The following PDE11A variants were observed in gnomAD, a reference collection of about 807,000 sequenced individuals.
PDE11A encodes the protein dual 3',5'-cyclic-AMP and -GMP phosphodiesterase 11A.
Under a neutral mutation model 100.5 loss-of-function variants are expected in PDE11A, and 100 were observed. That is an observed-to-expected ratio of 1.00 (90% CI 0.85 to 1.18). The LOEUF (loss-of-function observed/expected upper bound fraction) is 1.18. Ranked by LOEUF, PDE11A falls within the 50% of genes most tolerant of loss-of-function variation. PDE11A has a pLI of 0.00. For synonymous variants in PDE11A, 381 were observed against 420.8 expected (o/e 0.91, Z 1.16); for missense variants, 1,141 against 1,152.6 (o/e 0.99, Z 0.15).
chr2:177,674,900 T>C (rs1317119530), intron 17 of PDE11A, among the ~76,000 whole-genome samples: 2 of 152,126 alleles, frequency 1.3e-5, no homozygotes, highest in East Asian at 1.9e-4. Flanking sequence ...TGGTCTTCAG[T>C]TGGGTAGTTA....
At chr2:177,902,488 A>ATT (rs2084712849) in intron 3 of PDE11A, among the ~76,000 whole-genome samples, 4 of 152,234 alleles carry the variant, frequency 2.6e-5, no homozygotes, top group Admixed American at 2.6e-4. Context: ...TATTTTACAC[A>ATT]GTTGAATAGG....
At chr2:178,048,766 G>A (rs944992724) in intron 1 of PDE11A, among the ~76,000 whole-genome samples, 2 of 152,140 alleles carry the variant, frequency 1.3e-5, no homozygotes, top group African/African-American at 4.8e-5. Context: ...ATAAATATAA[G>A]CCCATATTCC....
intron 2 of PDE11A, among the ~76,000 whole-genome samples, chr2:177,970,172 C>T (rs2085752384): frequency 6.6e-6 from 1 of 152,108 alleles, no homozygotes; most frequent in Non-Finnish European, 1.5e-5. Context: ...AGTTGAGACT[C>T]AATCCTGAAA....
intron 2 of PDE11A, among the ~76,000 whole-genome samples, chr2:177,939,126 C>T (rs919296519): frequency 6.6e-6 from 1 of 152,184 alleles, no homozygotes; most frequent in Non-Finnish European, 1.5e-5. Context: ...GCATAACATG[C>T]AACCAGGAAC....
intron 6 of PDE11A, among the ~76,000 whole-genome samples, chr2:177,825,590 G>A (rs754771077): frequency 6.6e-6 from 1 of 152,184 alleles, no homozygotes; most frequent in Non-Finnish European, 1.5e-5. Context: ...GCAGGGGCTG[G>A]AGGAAAAGGA....
rs577479163 is a variant in PDE11A at position 177,898,629 on chromosome 2, C to T, written c.1162-431G>A. ...AATTACTAATGAGCACCAGAGAATA[C>T]CCCTTCCCTCTTCACTGTTGATCTT... On this transcript the variant is annotated intron_variant, in intron 3 of 19. Transcript: ENST00000286063. 2.2e-4 allele frequency among the ~76,000 whole-genome samples: 33 copies of T among 152,284 alleles called. No individual in the cohort carries two copies. The South Asian group carries it at 4.8e-3, about 22-fold the overall frequency.
intron 6 of PDE11A, among the ~76,000 whole-genome samples, chr2:177,825,356 T>G (rs945140294): frequency 6.6e-6 from 1 of 152,114 alleles, no homozygotes; most frequent in Non-Finnish European, 1.5e-5. Context: ...GGCTAAGGAA[T>G]GGTGATGATC....
At position 177,944,238 on chromosome 2, in the gene PDE11A, A is replaced by G. The variant is rs116797768; in HGVS notation, c.1072-39051T>C. 4.4e-3 allele frequency among the ~76,000 whole-genome samples: 667 copies of G among 152,356 alleles called. 2 individuals are homozygous for G. The highest frequency in any genetic ancestry group is 0.015 in the African/African-American group (642 of 41,584). ...CATCTTTTCCTTCCATCCTCTAGAA[A>G]GAGACAAGAGGAAAGGTATTTTACC... On this transcript the variant is annotated intron_variant, in intron 2 of 19. Transcript: ENST00000286063.
intron 18 of PDE11A, among the ~76,000 whole-genome samples, chr2:177,666,058 C>G (rs896928314): frequency 3.3e-5 from 5 of 152,114 alleles, no homozygotes; most frequent in Admixed American, 2.6e-4. Context: ...AAACCCCATA[C>G]TATTAGCAGT....
chr2:178,008,939 G>C (rs1278292157), intron 2 of PDE11A, among the ~76,000 whole-genome samples: 2 of 152,192 alleles, frequency 1.3e-5, no homozygotes, highest in African/African-American at 4.8e-5. Flanking sequence ...ACAGAGATTA[G>C]CCAAAGAAGA....
intron 2 of PDE11A, among the ~76,000 whole-genome samples, chr2:178,086,542 G>C (rs768970219): frequency 1.3e-5 from 2 of 152,134 alleles, no homozygotes; most frequent in Non-Finnish European, 2.9e-5. Flanking sequence ...CTATTTTTAT[G>C]ATCAAACAGC....
intron 1 of PDE11A, among the ~76,000 whole-genome samples, chr2:178,038,227 A>G (rs6743194): frequency 0.32 from 49,266 of 151,902 alleles, 10,046 homozygotes; most frequent in East Asian, 0.55. Flanking sequence ...AGATATGAAT[A>G]TAACTATCAC....
chr2:177,954,026 C>A (rs539139810), intron 2 of PDE11A, among the ~76,000 whole-genome samples: 1 of 151,860 alleles, frequency 6.6e-6, no homozygotes, highest in South Asian at 2.1e-4. Flanking sequence ...TGGGATTTCA[C>A]TTCCTTTACT....
At chr2:177,666,664 T>G (rs1347802849) in intron 18 of PDE11A, among the ~76,000 whole-genome samples, 1 of 152,186 alleles carries the variant, frequency 6.6e-6, no homozygotes, top group African/African-American at 2.4e-5. Context: ...TTTGAGCATC[T>G]TTTCATGTGC....
rs566984217 is a variant in PDE11A at position 177,717,307 on chromosome 2, G to A, written c.2044-5429C>T. On this transcript the variant is annotated intron_variant, in intron 12 of 19. Transcript: ENST00000286063. Reference sequence around the variant, plus strand: ...CTAAGTGTCCTTTTGCCCCTCCCCCGCCCTCATCCATCTTCCTCCCAGGGC... The same window carrying A: ...CTAAGTGTCCTTTTGCCCCTCCCCCACCCTCATCCATCTTCCTCCCAGGGC... 9.6e-5 allele frequency among the ~76,000 whole-genome samples: 11 copies of A among 115,106 alleles called. No homozygotes were observed. In the East Asian group the frequency reaches 1.7e-3, roughly 18 times the overall value. 75.5% of individuals were successfully genotyped at this position (115,106 alleles called of 152,430 possible).
At chr2:177,778,958 T>C (rs530639826) in intron 9 of PDE11A, among the ~76,000 whole-genome samples, 3,216 of 70,878 alleles carry the variant, frequency 0.045, 100 homozygotes, top group African/African-American at 0.17. Context: ...GAAAGATTCA[T>C]TTTTTTAAAA....
At chr2:177,643,702 G>A (rs894418870) in intron 19 of PDE11A, among the ~76,000 whole-genome samples, 4 of 152,232 alleles carry the variant, frequency 2.6e-5, no homozygotes, top group South Asian at 2.1e-4. Context: ...AATGTCTCCA[G>A]GCCATGTCAG....
intron 2 of PDE11A, among the ~76,000 whole-genome samples, chr2:177,988,590 A>G (rs2085967049): frequency 6.6e-6 from 1 of 152,188 alleles, no homozygotes; most frequent in Non-Finnish European, 1.5e-5. Context: ...CAGGCTTAAA[A>G]TTCTTAATTT....
At chr2:178,019,878 A>G (rs946789248) in intron 1 of PDE11A, among the ~76,000 whole-genome samples, 1 of 152,232 alleles carries the variant, frequency 6.6e-6, no homozygotes, top group African/African-American at 2.4e-5. Context: ...GAAAGTCTAC[A>G]TATGAAGAGA....
Sources: gnomAD v4.1 joint callset for allele counts (sites outside exome capture counted in the v4.1 genomes callset) on GRCh38, gnomAD v4.1.1 for gene constraint, MANE v1.5 for transcripts, NCBI Gene and HGNC (gene_info 2026-07-23, HGNC 2026-07-21) for gene names.